GALNTL6: variants seen among roughly 807,000 people sequenced by gnomAD.
GALNTL6 encodes polypeptide N-acetylgalactosaminyltransferase like 6, also known as polypeptide N-acetylgalactosaminyltransferase-like 6.
Under a neutral mutation model 73.7 loss-of-function variants are expected in GALNTL6, and 46 were observed. That is an observed-to-expected ratio of 0.62 (90% CI 0.49 to 0.80). The LOEUF (loss-of-function observed/expected upper bound fraction) is 0.80, where lower values mean the gene tolerates loss of function less well. Ranked by LOEUF, GALNTL6 falls within the 30% of genes least tolerant of loss-of-function variation. GALNTL6 has a pLI of 0.00. For missense variants in GALNTL6, 604 were observed against 755.0 expected (o/e 0.80, Z 2.34); for synonymous variants, 259 against 263.7 (o/e 0.98, Z 0.17).
chr4:172,744,840 CGTGTGTGTGTGT>C (rs3084334), intron 5 of GALNTL6, among the ~76,000 whole-genome samples: 4 of 149,254 alleles, frequency 2.7e-5, no homozygotes, highest in Admixed American at 1.3e-4. Context: ...AGTGCGCGTG[CGTGTGTGTGTGT>C]GTGTGTGTGT....
intron 2 of GALNTL6, among the ~76,000 whole-genome samples, chr4:172,143,886 T>A (rs888906253): frequency 1.3e-5 from 2 of 152,176 alleles, no homozygotes; most frequent in African/African-American, 4.8e-5. Flanking sequence ...AGGTTGGGAA[T>A]TTATCCCTAT....
intron 2 of GALNTL6, among the ~76,000 whole-genome samples, chr4:172,069,488 C>CATATATGTTATATGTATGACACGT (rs34495647): frequency 1.4e-5 from 1 of 69,206 alleles, no homozygotes; most frequent in Non-Finnish European, 2.9e-5. Context: ...ATATATAACA[C>CATATATGTTATATGTATGACACGT]ATATGTTATA....
chr4:172,667,303 A>G (rs955298971), intron 5 of GALNTL6: 7 of 152,174 alleles, frequency 4.6e-5, no homozygotes, highest in Admixed American at 4.6e-4. Flanking sequence ...TATTGAGTAA[A>G]TAGTTAGAGC....
chr4:172,201,971 C>T (rs1735971731), intron 2 of GALNTL6, among the ~76,000 whole-genome samples: 1 of 152,144 alleles, frequency 6.6e-6, no homozygotes, highest in Admixed American at 6.5e-5. Context: ...ACTAGCTCTG[C>T]TTCTTGATGC....
chr4:172,552,942 T>C (rs1736018829), intron 5 of GALNTL6, among the ~76,000 whole-genome samples: 1 of 151,508 alleles, frequency 6.6e-6, no homozygotes, highest in South Asian at 2.1e-4. Context: ...TCAAGTTGTC[T>C]TAGGTATGGT....
At chr4:171,957,304 T>C (rs188522420) in intron 2 of GALNTL6, among the ~76,000 whole-genome samples, 1 of 152,310 alleles carries the variant, frequency 6.6e-6, no homozygotes, top group Admixed American at 6.5e-5. Flanking sequence ...TGTGGGTTAT[T>C]CCCTAAGCAA....
At chr4:171,889,190 T>A (rs1314299187) in intron 2 of GALNTL6, among the ~76,000 whole-genome samples, 3 of 152,062 alleles carry the variant, frequency 2.0e-5, no homozygotes, top group Non-Finnish European at 2.9e-5. Context: ...ATAGGAGGCA[T>A]GATTTTTTTA....
intron 5 of GALNTL6, among the ~76,000 whole-genome samples, chr4:172,766,989 A>G (rs1738443197): frequency 6.6e-6 from 1 of 152,228 alleles, no homozygotes; most frequent in African/African-American, 2.4e-5. Flanking sequence ...TGATTTACAT[A>G]CTGATGAGGC....
At chr4:172,982,721 C>A (rs1054300981) in intron 10 of GALNTL6, among the ~76,000 whole-genome samples, 1 of 151,706 alleles carries the variant, frequency 6.6e-6, no homozygotes, top group Non-Finnish European at 1.5e-5. Flanking sequence ...GTGAATGTGA[C>A]TTTTTCTGGA....
intron 2 of GALNTL6, among the ~76,000 whole-genome samples, chr4:172,198,292 A>T (rs1735842286): frequency 6.6e-6 from 1 of 151,836 alleles, no homozygotes; most frequent in African/African-American, 2.4e-5. Flanking sequence ...AAAAAAAAAT[A>T]AAACAAAAAT....
At chr4:171,857,146 T>A (rs1332874006) in intron 2 of GALNTL6, among the ~76,000 whole-genome samples, 2 of 152,170 alleles carry the variant, frequency 1.3e-5, no homozygotes, top group Non-Finnish European at 2.9e-5. Flanking sequence ...AACATATTCA[T>A]GTACATGTAA....
intron 5 of GALNTL6, among the ~76,000 whole-genome samples, chr4:172,565,914 A>C (rs1736538940): frequency 6.6e-6 from 1 of 152,154 alleles, no homozygotes. Flanking sequence ...ATAGTCTTTA[A>C]GCCCAAAACT....
At chr4:171,862,994 G>A (rs1218777535) in intron 2 of GALNTL6, among the ~76,000 whole-genome samples, 1 of 152,166 alleles carries the variant, frequency 6.6e-6, no homozygotes, top group African/African-American at 2.4e-5. Context: ...ATGGAGTAAT[G>A]TGTCATCTGA....
chr4:173,009,833 A>G (rs1048068049), intron 11 of GALNTL6, among the ~76,000 whole-genome samples: 1 of 152,126 alleles, frequency 6.6e-6, no homozygotes, highest in Non-Finnish European at 1.5e-5. Context: ...AAGGCTATGT[A>G]TTGCTTTTAT....
rs184093106 is a variant in GALNTL6, at chr4:172,316,600, T to C, written c.386+4848T>C. On this transcript the variant is annotated intron_variant, in intron 4 of 12. Coordinates refer to ENST00000506823, the MANE Select transcript of GALNTL6 (RefSeq NM_001034845.3). Reference sequence around the variant, plus strand: ...CTGTCTAAGAGAATCTTTACAACCTTTTGGATTATATGATTGTTTTCAGTA... The same window carrying C: ...CTGTCTAAGAGAATCTTTACAACCTCTTGGATTATATGATTGTTTTCAGTA... Among the ~76,000 whole-genome samples the C allele has an allele frequency of 8.3e-4, 126 of 152,294 alleles. 2 individuals carry two copies. The South Asian group carries it at 0.016, about 20-fold the overall frequency.
At chr4:172,272,737 G>T (rs1182190236) in intron 3 of GALNTL6, among the ~76,000 whole-genome samples, 1 of 152,054 alleles carries the variant, frequency 6.6e-6, no homozygotes, top group Admixed American at 6.6e-5. Flanking sequence ...TCTTCCAAAA[G>T]ATATATTTCG....
intron 5 of GALNTL6, among the ~76,000 whole-genome samples, chr4:172,481,069 G>A (rs2111482013): frequency 6.6e-6 from 1 of 152,312 alleles, no homozygotes; most frequent in South Asian, 2.1e-4. Flanking sequence ...GAGTGTTACA[G>A]TTCTTAAAGG....
rs1224038905 is a variant in GALNTL6 at position 172,824,037 on chromosome 4, G to A, written c.923+10314G>A. On this transcript the variant is annotated intron_variant, in intron 7 of 12. Coordinates refer to ENST00000506823, the MANE Select transcript of GALNTL6 (RefSeq NM_001034845.3). ...ATGCTCGAGAGCAGGGCTGGGAAGG[G>A]CCAGTGGGCTTGTTGGCGAGTATAA... Among the ~76,000 whole-genome samples, 5 of 152,252 alleles carry A rather than the reference G, an allele frequency of 3.3e-5. No individual in the cohort carries two copies. The South Asian group carries it at 6.2e-4, about 19-fold the overall frequency.
chr4:172,850,026 A>G (rs1743730786), intron 7 of GALNTL6, among the ~76,000 whole-genome samples: 1 of 152,190 alleles, frequency 6.6e-6, no homozygotes, highest in Non-Finnish European at 1.5e-5. Flanking sequence ...AAGGGAAACC[A>G]TGGATTAATC....
Sources: allele counts gnomAD v4.1 joint callset (sites outside exome capture counted in the v4.1 genomes callset), GRCh38; gene constraint gnomAD v4.1.1; transcripts MANE v1.5; gene names NCBI Gene and HGNC (gene_info 2026-07-23, HGNC 2026-07-21).